CMIP: variants seen among roughly 807,000 people sequenced by gnomAD.
CMIP encodes the protein C-Maf-inducing protein.
In CMIP, 13 loss-of-function variants were observed where a neutral mutation model predicts 97.3. The observed-to-expected ratio is 0.13, with a 90% CI of 0.09 to 0.21. CMIP has a LOEUF of 0.21. Among genes scored for constraint, CMIP ranks in the 10% least tolerant of loss-of-function variants. The pLI is 1.00. For missense variants in CMIP, 847 were observed against 1,024.9 expected (o/e 0.83, Z 2.37); for synonymous variants, 538 against 436.3 (o/e 1.23, Z -2.91).
At chr16:81,609,187 C>A (rs537655350) in intron 2 of CMIP, among the ~76,000 whole-genome samples, 193 of 151,928 alleles carry the variant, frequency 1.3e-3, no homozygotes, top group African/African-American at 4.5e-3. Context: ...TCCCTCCCCC[C>A]CTCCCCACCA....
At position 81,445,248 on chromosome 16, in the gene CMIP, G is replaced by A; in HGVS notation, c.7G>A (p.Val3Met). The A allele has an allele frequency of 1.3e-6, 2 of 1,524,156 alleles. No individual in the cohort carries two copies. Among genetic ancestry groups the A allele is most frequent in the Non-Finnish European group, 1.8e-6 (2 of 1,137,884 alleles). 94.4% of individuals were successfully genotyped at this position (1,524,156 alleles called of 1,614,324 possible). Residue 3 changes from valine (V) to methionine (M), a missense_variant, in exon 1 of 21, where the codon GTG becomes ATG. Transcript: ENST00000537098. MDVTSSSGGGGDP... is the reference protein window; with the variant it reads MDMTSSSGGGGDP... ...CCCCTCCCCCGGCGCGGCCATGGAT[G>A]TGACCAGCAGCTCGGGCGGCGGCGG...
intron 3 of CMIP, among the ~76,000 whole-genome samples, chr16:81,634,477 T>C (rs114248336): frequency 0.021 from 3,220 of 152,264 alleles, 109 homozygotes; most frequent in African/African-American, 0.074. Context: ...TCCATAGCTT[T>C]CGGGTTACTC....
chr16:81,622,195 T>C (rs566422740), intron 3 of CMIP: 1 of 152,248 alleles, frequency 6.6e-6, no homozygotes, highest in South Asian at 2.1e-4. Context: ...CAAGCTCCCA[T>C]CGTTAGGAAG....
Position 81,458,939 on chromosome 16 carries a change from A to G in CMIP, c.300+13398A>G, listed in dbSNP as rs71388365. 2.6e-3 allele frequency among the ~76,000 whole-genome samples: 354 copies of G among 137,182 alleles called. 2 individuals carry two copies. The highest frequency in any genetic ancestry group is 7.9e-3 in the Middle Eastern group (2 of 254). 90.0% of individuals were successfully genotyped at this position (137,182 alleles called of 152,430 possible). On this transcript the variant is annotated intron_variant, in intron 1 of 20. Transcript: ENST00000537098. ...ATGTGCTCAACAGATGTTTGCTACC[A>G]TCATCATCATCATCATGACCCCTAC...
At chr16:81,695,131 G>A (rs1002385993) in intron 13 of CMIP, among the ~76,000 whole-genome samples, 1 of 152,180 alleles carries the variant, frequency 6.6e-6, no homozygotes, top group Non-Finnish European at 1.5e-5. Flanking sequence ...GGCCCCGAGT[G>A]ACCTGCCGGT....
intron 1 of CMIP, among the ~76,000 whole-genome samples, chr16:81,529,561 C>T (rs1347508138): frequency 6.6e-6 from 1 of 152,092 alleles, no homozygotes; most frequent in East Asian, 1.9e-4. Flanking sequence ...ATGCTGCCTG[C>T]AGGATGAAGA....
chr16:81,707,863 A>C (rs1908322081), intron 20 of CMIP, among the ~76,000 whole-genome samples: 1 of 152,196 alleles, frequency 6.6e-6, no homozygotes, highest in South Asian at 2.1e-4. Context: ...AAAGGTGAGA[A>C]GGCACAGATG....
intron 1 of CMIP, among the ~76,000 whole-genome samples, chr16:81,598,642 A>G (rs2091603964): frequency 6.6e-6 from 1 of 152,218 alleles, no homozygotes; most frequent in Admixed American, 6.5e-5. Context: ...AACAGACTGC[A>G]TGCCCTGGTT....
At chr16:81,594,597 C>T (rs1456004038) in intron 1 of CMIP, among the ~76,000 whole-genome samples, 1 of 151,878 alleles carries the variant, frequency 6.6e-6, no homozygotes, top group Non-Finnish European at 1.5e-5. Flanking sequence ...CATATATATA[C>T]CTATGATAAA....
intron 13 of CMIP, chr16:81,695,807 T>G (rs1906649376): frequency 6.5e-6 from 1 of 152,914 alleles, no homozygotes; most frequent in Non-Finnish European, 1.5e-5. Flanking sequence ...CTTTTGGCAC[T>G]GAAATTGCCC....
chr16:81,690,945 TAGAAAAAGA>T (rs1905990788), intron 10 of CMIP, among the ~76,000 whole-genome samples: 1 of 151,836 alleles, frequency 6.6e-6, no homozygotes, highest in Non-Finnish European at 1.5e-5. Context: ...TAATAAATTT[TAGAAAAAGA>T]AAAAAAAGGG....
At chr16:81,642,532 C>T (rs2092318100) in intron 3 of CMIP, among the ~76,000 whole-genome samples, 1 of 152,216 alleles carries the variant, frequency 6.6e-6, no homozygotes, top group Non-Finnish European at 1.5e-5. Flanking sequence ...TGATTCAGTG[C>T]AGTTGAGGCA....
chr16:81,703,286 C>T (rs997474204), intron 17 of CMIP, among the ~76,000 whole-genome samples: 13 of 151,990 alleles, frequency 8.6e-5, no homozygotes, highest in South Asian at 6.2e-4. Flanking sequence ...GCCTTCATTC[C>T]GGGCAGCCAC....
At chr16:81,522,523 T>G (rs1260492899) in intron 1 of CMIP, among the ~76,000 whole-genome samples, 2 of 152,236 alleles carry the variant, frequency 1.3e-5, no homozygotes, top group Middle Eastern at 3.2e-3. Context: ...TTTCTTCTTT[T>G]TGAATTTTGA....
In CMIP at chr16:81,678,372, C is replaced by A. The variant is rs747957642; in HGVS notation, c.1132C>A (p.Pro378Thr). ...TLPLRLLHPS[P>T]DLVSQEATLS... ...ACCTCTGCGCCTTCTGCACCCCAGC[C>A]CGGACCTGGTGTCTCAGGAAGCCAC... is the stretch of plus-strand genomic sequence containing the variant. The change falls in exon 10 of 21, where the codon CCG (proline) becomes ACG (threonine). Residue 378 changes from proline to threonine, a missense_variant. Coordinates refer to ENST00000537098, the MANE Select transcript of CMIP (RefSeq NM_198390.3). 6.2e-7 allele frequency: 1 copy of A among 1,612,740 alleles called. No individual in the cohort carries two copies. Among genetic ancestry groups the A allele is most frequent in the East Asian group, 2.2e-5 (1 of 44,818 alleles).
intron 10 of CMIP, among the ~76,000 whole-genome samples, chr16:81,684,552 C>T (rs1400199007): frequency 6.6e-6 from 1 of 152,234 alleles, no homozygotes; most frequent in East Asian, 1.9e-4. Context: ...AGCTGAGCTG[C>T]GTGAGGTGGG....
chr16:81,570,495 C>T (rs545257998), intron 1 of CMIP, among the ~76,000 whole-genome samples: 10 of 152,224 alleles, frequency 6.6e-5, no homozygotes, highest in Admixed American at 2.0e-4. Flanking sequence ...TAACAATGGC[C>T]TCCTGGCAGG....
intron 18 of CMIP, 71 bp downstream of exon 18, chr16:81,704,156 C>A (rs1402255815): frequency 5.7e-6 from 8 of 1,392,006 alleles, no homozygotes; most frequent in Non-Finnish European, 7.8e-6. Context: ...TCCCTATTCC[C>A]CCGTACCATC....
chr16:81,648,179 C>A (rs1016289076), intron 3 of CMIP, among the ~76,000 whole-genome samples: 2 of 67,630 alleles, frequency 3.0e-5, no homozygotes, highest in Non-Finnish European at 4.2e-5. Flanking sequence ...CTGATATCCT[C>A]TTCACCCGAC....
Sources: gnomAD v4.1 joint callset for allele counts (sites outside exome capture counted in the v4.1 genomes callset) on GRCh38, gnomAD v4.1.1 for gene constraint, MANE v1.5 for transcripts, NCBI Gene and HGNC (gene_info 2026-07-23, HGNC 2026-07-21) for gene names.